The following KIF5A variants were observed in gnomAD, a reference collection of about 807,000 sequenced individuals.
KIF5A encodes the protein kinesin heavy chain isoform 5A.
A neutral mutation model predicts 141.3 loss-of-function variants in KIF5A; 35 were observed. The ratio of observed to expected loss-of-function variants is 0.25; its 90% CI spans 0.19 to 0.33. KIF5A has a LOEUF of 0.33. KIF5A is among the 10% of genes least tolerant of loss of function. The pLI, the probability that KIF5A is intolerant of heterozygous loss-of-function variation, is 1.00. For synonymous variants in KIF5A, 448 were observed against 500.2 expected (o/e 0.90, Z 1.39); for missense variants, 861 against 1,314.3 (o/e 0.66, Z 5.33).
chr12:57,564,067 C>T (rs752434496), intron 3 of KIF5A, 41 bp from the exon 4 acceptor site: 5 of 1,429,362 alleles, frequency 3.5e-6, no homozygotes, highest in Non-Finnish European at 4.9e-6. Flanking sequence ...TCTCATTCTC[C>T]CTGAGCCCCA....
intron 23 of KIF5A, among the ~76,000 whole-genome samples, chr12:57,578,637 A>T (rs1882501361): frequency 6.6e-6 from 1 of 152,298 alleles, no homozygotes; most frequent in East Asian, 1.9e-4. Context: ...GGCTGTAACT[A>T]TACAGGAGGG....
chr12:57,580,176 G>A (rs1882552859), intron 23 of KIF5A, among the ~76,000 whole-genome samples: 1 of 152,176 alleles, frequency 6.6e-6, no homozygotes, highest in South Asian at 2.1e-4. Context: ...TTTACCCGCT[G>A]TCTTCCAAGG....
At chr12:57,575,544 G>A (rs772334433) in intron 16 of KIF5A, 96 bp from the exon 17 acceptor site, 115 of 1,056,762 alleles carry the variant, frequency 1.1e-4, no homozygotes, top group Non-Finnish European at 1.6e-4. Flanking sequence ...GTAGCAGGAG[G>A]GAGGGCTGGG....
Position 57,572,898 on chromosome 12 carries a change from ATACATTC to A in KIF5A, c.1716+175_1716+181del, listed in dbSNP as rs1160724375. On this transcript the variant is annotated intron_variant, in intron 15 of 28. Coordinates refer to ENST00000455537, the MANE Select transcript of KIF5A (RefSeq NM_004984.4). This position sits in a 1 kb window ranked among gnomAD's most constrained non-coding sequence, Gnocchi z 4.2. ...GGCTTGTATAGACCCAATTGAAAAG[ATACATTC>A]TAGGTTGGGCGCAGTGGCTCACCGC... Among the ~76,000 whole-genome samples, 13 of 152,160 alleles carry A rather than the reference ATACATTC, an allele frequency of 8.5e-5. No homozygotes were observed.
rs771021589 is a variant in KIF5A at position 57,572,100 on chromosome 12, C to T, written c.1402C>T (p.Arg468Trp). Residue 468 changes from arginine (R) to tryptophan (W), a missense_variant, in exon 14 of 29, where the codon CGG becomes TGG. Transcript: ENST00000455537. This position sits in a 1 kb window ranked among gnomAD's most constrained non-coding sequence, Gnocchi z 4.2. ...STRGDNEKVQ[R>W]ELSHLQSEND... Reference sequence around the variant, plus strand: ...CCGAGGAGACAACGAGAAGGTCCAGCGGGAGCTGAGCCACCTGCAATCAGA... The same window carrying T: ...CCGAGGAGACAACGAGAAGGTCCAGTGGGAGCTGAGCCACCTGCAATCAGA... 3.1e-6 allele frequency: 5 copies of T among 1,613,926 alleles called. No individual in the cohort carries two copies. Among genetic ancestry groups the T allele is most frequent in the East Asian group, 4.5e-5 (2 of 44,884 alleles).
intron 27 of KIF5A, 92 bp downstream of exon 27, chr12:57,582,721 C>T: frequency 9.3e-7 from 1 of 1,071,350 alleles, no homozygotes; most frequent in South Asian, 1.2e-5. Flanking sequence ...GTTCCTGGAG[C>T]CTTTGGGGAA....
chr12:57,580,347 GT>G (rs754091204), intron 23 of KIF5A, among the ~76,000 whole-genome samples: 10 of 152,188 alleles, frequency 6.6e-5, no homozygotes, highest in African/African-American at 1.4e-4. Flanking sequence ...AAGGTAATGA[GT>G]GCAAATGTTT....
chr12:57,578,394 A>G lies in KIF5A; in HGVS notation c.2538+52A>G, dbSNP rs767321945. On this transcript the variant is annotated intron_variant, in intron 23 of 28. Coordinates refer to ENST00000455537, the MANE Select transcript of KIF5A (RefSeq NM_004984.4). Reference sequence around the variant, plus strand: ...GAATTTTTGAGGCCGGGTAGCTAGCATACCAAATCCTCAGAGGCCCCTTGG... The same window carrying G: ...GAATTTTTGAGGCCGGGTAGCTAGCGTACCAAATCCTCAGAGGCCCCTTGG... 62 of 1,249,142 alleles carry G rather than the reference A, an allele frequency of 5.0e-5. 1 individual carries two copies. In the South Asian group the frequency reaches 7.0e-4, roughly 14 times the overall value. The allele number at this position is 1,249,142 out of a possible 1,614,324, so 77.4% of individuals were successfully genotyped here.
At chr12:57,576,037 T>C in intron 17 of KIF5A, 50 bp from the exon 18 acceptor site, 5 of 1,572,988 alleles carry the variant, frequency 3.2e-6, no homozygotes, top group Non-Finnish European at 4.4e-6. Flanking sequence ...GTGAAGTTCT[T>C]TCCGAAAGAG....
At chr12:57,574,671 T>C (rs1330445070) in intron 15 of KIF5A, among the ~76,000 whole-genome samples, 2 of 146,052 alleles carry the variant, frequency 1.4e-5, no homozygotes, top group African/African-American at 5.1e-5. Flanking sequence ...AACCTCCGCC[T>C]CCTGGGTTCA....
intron 4 of KIF5A, 63 bp from the exon 5 acceptor site, chr12:57,564,397 A>T (rs1882001021): frequency 7.9e-7 from 1 of 1,268,356 alleles, no homozygotes; most frequent in Admixed American, 1.7e-5. Context: ...TTAGTATGGG[A>T]TTCCTGAACT....
chr12:57,550,410 G>T lies in KIF5A; in HGVS notation c.129+10G>T, dbSNP rs1881532622. On this transcript the variant is annotated intron_variant, in intron 1 of 28. Transcript: ENST00000455537. This position sits in a 1 kb window ranked among gnomAD's most constrained non-coding sequence, Gnocchi z 4.6. ...CAGCGTCGTTATTGGGGTGAGTGTCGCCCAGGAGGGAATTCGGGGAGGGGG... is the reference window on the plus strand; with the variant it reads ...CAGCGTCGTTATTGGGGTGAGTGTCTCCCAGGAGGGAATTCGGGGAGGGGG... The T allele has an allele frequency of 6.2e-7, 1 of 1,613,796 alleles. No individual in the cohort carries two copies. The highest frequency in any genetic ancestry group is 8.5e-7 in the Non-Finnish European group (1 of 1,179,858).
At chr12:57,563,344 A>C (rs1392528733) in intron 1 of KIF5A, 95 bp from the exon 2 acceptor site, 2 of 872,440 alleles carry the variant, frequency 2.3e-6, no homozygotes, top group Non-Finnish European at 3.9e-6. Context: ...ATTGAAGAAA[A>C]GGGTGCCTTT....
rs892204850 is a variant in KIF5A at position 57,558,251 on chromosome 12, A to G, written c.130-5188A>G. Among the ~76,000 whole-genome samples the G allele has an allele frequency of 3.9e-5, 6 of 152,032 alleles. No individual in the cohort carries two copies. In the East Asian group the frequency reaches 1.2e-3, roughly 30 times the overall value. On this transcript the variant is annotated intron_variant, in intron 1 of 28. Transcript: ENST00000455537. ...GAAACCCCATCTCTACTAAAAATATAAAAATTCTGGCTGGGTGCAGTGGCT... is the reference window on the plus strand; with the variant it reads ...GAAACCCCATCTCTACTAAAAATATGAAAATTCTGGCTGGGTGCAGTGGCT...
chr12:57,571,445 G>A (rs552116746), intron 13 of KIF5A, 56 bp downstream of exon 13: 48 of 1,580,976 alleles, frequency 3.0e-5, no homozygotes, highest in Non-Finnish European at 3.3e-5. Context: ...ATCACTGGAA[G>A]GCATGGAATA....
In KIF5A at chr12:57,571,332, C is replaced by G. The variant is rs1267848296; in HGVS notation, c.1305C>G (p.Ile435Met). Residue 435 changes from isoleucine (I) to methionine (M), a missense_variant, in exon 13 of 29, where the codon ATC becomes ATG. Transcript: ENST00000455537. ...GTTGCCTCCAACAGGATGATGAAAT[C>G]AACCAACAAAGCCAACTCATAGAGA... The part of the protein sequence containing the change: ...YKQLDDKDDE[I>M]NQQSQLIEKL... 3.7e-6 allele frequency: 6 copies of G among 1,609,074 alleles called. No homozygotes were observed. The highest frequency in any genetic ancestry group is 1.7e-5 in the Admixed American group (1 of 59,978).
intron 1 of KIF5A, among the ~76,000 whole-genome samples, chr12:57,556,436 C>T (rs2140154378): frequency 6.6e-6 from 1 of 152,206 alleles, no homozygotes; most frequent in South Asian, 2.1e-4. Flanking sequence ...CCGCGCCCAG[C>T]CCACTCTTGG....
intron 1 of KIF5A, among the ~76,000 whole-genome samples, chr12:57,552,288 G>A (rs1881601774): frequency 6.6e-6 from 1 of 152,166 alleles, no homozygotes. Context: ...GTTGGTAAGA[G>A]GGGTGTGGTG....
chr12:57,581,489 A>C lies in KIF5A; in HGVS notation c.2830A>C (p.Ile944Leu). 6.2e-7 allele frequency: 1 copy of C among 1,614,064 alleles called. No homozygotes were observed. Among genetic ancestry groups the C allele is most frequent in the Non-Finnish European group, 8.5e-7 (1 of 1,179,982 alleles). The change falls in exon 25 of 29, where the codon ATC (isoleucine) becomes CTC (leucine). Residue 944 changes from isoleucine to leucine, a missense_variant. Ile to Leu is a conservative substitution (Grantham distance 5). This residue lies in a region of KIF5A where 482 missense variants were observed against 661.3 expected (regional missense o/e 0.73). Coordinates refer to ENST00000455537, the MANE Select transcript of KIF5A (RefSeq NM_004984.4). ...CTATGGCACCCGGAGCCCTGAGTGCATCAGTTACACCAACAGCCTCTTCCA... is the reference window on the plus strand; with the variant it reads ...CTATGGCACCCGGAGCCCTGAGTGCCTCAGTTACACCAACAGCCTCTTCCA... ...NPYGTRSPEC[I>L]SYTNSLFQNY...
Sources: gnomAD v4.1 joint callset for allele counts (sites outside exome capture counted in the v4.1 genomes callset) on GRCh38, gnomAD v4.1.1 for gene constraint, gnomAD v4.1.1 regional missense constraint, Gnocchi (gnomAD v3.1) non-coding constraint, MANE v1.5 for transcripts, NCBI Gene and HGNC (gene_info 2026-07-23, HGNC 2026-07-21) for gene names.